The following KIAA1217 variants were observed in gnomAD, a reference collection of about 807,000 sequenced individuals.
KIAA1217 encodes KIAA1217.
A neutral mutation model predicts 163.9 loss-of-function variants in KIAA1217; 88 were observed. The observed-to-expected ratio is 0.54, with a 90% CI of 0.45 to 0.64. The LOEUF (loss-of-function observed/expected upper bound fraction) is 0.64. KIAA1217 is among the 30% of genes least tolerant of loss of function. The pLI is 0.00. For missense variants in KIAA1217, 2,372 were observed against 2,475.0 expected, an observed-to-expected ratio of 0.96 and a Z score of 0.88; for synonymous variants, 903 against 923.1, an observed-to-expected ratio of 0.98 and a Z score of 0.39.
chr10:24,088,258 T>TACATAC (rs1564686029), intron 2 of KIAA1217, among the ~76,000 whole-genome samples: 4 of 103,640 alleles, frequency 3.9e-5, no homozygotes, highest in African/African-American at 1.3e-4. Context: ...TTAATATACA[T>TACATAC]ATATATATAT....
At chr10:24,320,931 C>T (rs2044062621) in intron 2 of KIAA1217, among the ~76,000 whole-genome samples, 2 of 151,922 alleles carry the variant, frequency 1.3e-5, no homozygotes, top group Admixed American at 6.6e-5. Flanking sequence ...CCTGTAGTCC[C>T]AGCTACTTGG....
At chr10:23,943,067 G>C (rs1425948878) in intron 1 of KIAA1217, among the ~76,000 whole-genome samples, 15 of 152,120 alleles carry the variant, frequency 9.9e-5, no homozygotes, top group Non-Finnish European at 2.2e-4. Context: ...CAAGGTTGCA[G>C]TGAGTTATGA....
chr10:24,155,395 A>G (rs997950603), intron 2 of KIAA1217, among the ~76,000 whole-genome samples: 8 of 152,210 alleles, frequency 5.3e-5, no homozygotes, highest in African/African-American at 1.9e-4. Flanking sequence ...TAAGTTCCAC[A>G]TATTCATATT....
chr10:24,257,540 T>C (rs1339230596), intron 2 of KIAA1217, among the ~76,000 whole-genome samples: 4 of 152,174 alleles, frequency 2.6e-5, no homozygotes, highest in Non-Finnish European at 5.9e-5. Flanking sequence ...CATTACCACC[T>C]AGTGAAGTCT....
At chr10:24,225,017 G>C (rs999885767) in intron 2 of KIAA1217, among the ~76,000 whole-genome samples, 3 of 151,890 alleles carry the variant, frequency 2.0e-5, no homozygotes. Flanking sequence ...TAGTAGAGAC[G>C]GGGTTCACTG....
At chr10:24,512,104 G>A (rs958629938) in intron 9 of KIAA1217, among the ~76,000 whole-genome samples, 1 of 152,142 alleles carries the variant, frequency 6.6e-6, no homozygotes. Context: ...CCTAATGGTG[G>A]TTCTGCTTGT....
chr10:24,055,953 A>G (rs2060515018), intron 2 of KIAA1217, among the ~76,000 whole-genome samples: 1 of 149,638 alleles, frequency 6.7e-6, no homozygotes, highest in South Asian at 2.1e-4. Flanking sequence ...AAAAACACTA[A>G]ATTTAAAAAA....
intron 2 of KIAA1217, among the ~76,000 whole-genome samples, chr10:24,300,618 A>G (rs772942752): frequency 1.3e-5 from 2 of 152,126 alleles, no homozygotes; most frequent in Non-Finnish European, 2.9e-5. Context: ...CCCAAGCTGG[A>G]GTGCAGTGGC....
chr10:24,416,683 A>G lies in KIAA1217; in HGVS notation c.554-16312A>G, dbSNP rs75086018. Among the ~76,000 whole-genome samples the G allele has an allele frequency of 2.0e-3, 309 of 152,302 alleles. 7 individuals carry two copies. The East Asian group carries it at 0.053, about 26-fold the overall frequency. ...AGCCCTCACAGTTGTGGGCTGGATC[A>G]TGTGATCAGGAAGGGTCCCCCCCAC... On this transcript the variant is annotated intron_variant, in intron 3 of 20. Coordinates refer to ENST00000376454, the MANE Select transcript of KIAA1217 (RefSeq NM_019590.5).
chr10:24,203,637 G>T (rs1294922111), intron 2 of KIAA1217, among the ~76,000 whole-genome samples: 4 of 151,426 alleles, frequency 2.6e-5, no homozygotes, highest in Admixed American at 2.6e-4. Context: ...TAAGCCAGGA[G>T]AGTCTCTTTC....
At chr10:24,268,184 G>A (rs1450410435) in intron 2 of KIAA1217, among the ~76,000 whole-genome samples, 2 of 152,130 alleles carry the variant, frequency 1.3e-5, no homozygotes, top group Admixed American at 1.3e-4. Context: ...AGGTCAGGTC[G>A]CCTATATTGA....
At chr10:23,902,896 A>T (rs1253054114) in intron 1 of KIAA1217, among the ~76,000 whole-genome samples, 1 of 152,134 alleles carries the variant, frequency 6.6e-6, no homozygotes, top group Non-Finnish European at 1.5e-5. Context: ...AGAACAGCTG[A>T]GGCAAAAACT....
intron 2 of KIAA1217, among the ~76,000 whole-genome samples, chr10:24,156,621 T>C (rs10741046): frequency 0.67 from 102,595 of 152,012 alleles, 35,149 homozygotes; most frequent in Non-Finnish European, 0.74. Context: ...TGGAATCCCC[T>C]ACTGCCTCTT....
At chr10:23,942,559 C>G (rs1843824888) in intron 1 of KIAA1217, among the ~76,000 whole-genome samples, 1 of 151,974 alleles carries the variant, frequency 6.6e-6, no homozygotes, top group South Asian at 2.1e-4. Flanking sequence ...AATAGTAGCC[C>G]CCCAAATCTC....
At chr10:24,467,182 C>T (rs2063044579) in intron 5 of KIAA1217, among the ~76,000 whole-genome samples, 1 of 152,138 alleles carries the variant, frequency 6.6e-6, no homozygotes, top group South Asian at 2.1e-4. Context: ...GAATTTCTAA[C>T]TCAGACTTCA....
intron 2 of KIAA1217, among the ~76,000 whole-genome samples, chr10:24,171,528 G>A (rs1212760719): frequency 6.6e-6 from 1 of 152,174 alleles, no homozygotes; most frequent in Non-Finnish European, 1.5e-5. Flanking sequence ...TGATCGGCTG[G>A]GCACGGTGGC....
chr10:23,841,360 G>A (rs1038328810), intron 1 of KIAA1217, among the ~76,000 whole-genome samples: 4 of 152,184 alleles, frequency 2.6e-5, no homozygotes, highest in Admixed American at 1.3e-4. Flanking sequence ...CAAGGCCTGA[G>A]TAACTGTCAT....
intron 1 of KIAA1217, among the ~76,000 whole-genome samples, chr10:23,986,512 C>T (rs887470884): frequency 6.6e-6 from 1 of 152,114 alleles, no homozygotes; most frequent in Non-Finnish European, 1.5e-5. Context: ...AATATAAATG[C>T]TATGTAAATA....
intron 2 of KIAA1217, among the ~76,000 whole-genome samples, chr10:24,258,186 C>CCTAA (rs869243230): frequency 4.0e-5 from 4 of 100,894 alleles, no homozygotes; most frequent in Non-Finnish European, 8.5e-5. Context: ...GTCCCCTCAA[C>CCTAA]CTAACTCTGA....
Sources: gnomAD v4.1 joint callset for allele counts (sites outside exome capture counted in the v4.1 genomes callset) on GRCh38, gnomAD v4.1.1 for gene constraint, MANE v1.5 for transcripts, NCBI Gene and HGNC (gene_info 2026-07-23, HGNC 2026-07-21) for gene names.